Variants in KIF13A observed in about 807,000 individuals in gnomAD.
KIF13A encodes the protein kinesin family member 13A.
A neutral mutation model predicts 212.2 loss-of-function variants in KIF13A; 79 were observed. The ratio of observed to expected loss-of-function variants is 0.37; its 90% CI spans 0.31 to 0.45. The LOEUF (loss-of-function observed/expected upper bound fraction) is 0.45, where lower values mean the gene tolerates loss of function less well. Ranked by LOEUF, KIF13A falls within the 20% of genes least tolerant of loss-of-function variation. The pLI is 1.00. For synonymous variants in KIF13A, 789 were observed against 808.6 expected, an observed-to-expected ratio of 0.98 and a Z score of 0.41; for missense variants, 1,901 against 2,209.0, an observed-to-expected ratio of 0.86 and a Z score of 2.79.
chr6:17,900,223 T>G lies in KIF13A; in HGVS notation c.147-2043A>C, dbSNP rs900405561. On this transcript the variant is annotated intron_variant, in intron 2 of 38. Transcript: ENST00000259711. This position sits in a 1 kb window ranked among gnomAD's most constrained non-coding sequence, Gnocchi z 4.6. Reference sequence around the variant, plus strand: ...CAGTGAGCTCTCTGGAGTTCTCTTATGTGCCCTTTATGCCACAGCCACAGC... The same window carrying G: ...CAGTGAGCTCTCTGGAGTTCTCTTAGGTGCCCTTTATGCCACAGCCACAGC... 6.6e-6 allele frequency among the ~76,000 whole-genome samples: 1 copy of G among 152,230 alleles called. No individual in the cohort carries two copies. Among genetic ancestry groups the G allele is most frequent in the East Asian group, 1.9e-4 (1 of 5,188 alleles).
rs1011777088 is a variant in KIF13A at position 17,888,470 on chromosome 6, T to C, written c.159+9698A>G. 6.6e-6 allele frequency among the ~76,000 whole-genome samples: 1 copy of C among 152,172 alleles called. No individual in the cohort carries two copies. Among genetic ancestry groups the C allele is most frequent in the African/African-American group, 2.4e-5 (1 of 41,446 alleles). ...ATGGGTTTGATCTGAAACAGAGCTG[T>C]CCCATAGAAATATAATGCTAGCCAT... On this transcript the variant is annotated intron_variant, in intron 3 of 38. Coordinates refer to ENST00000259711, the MANE Select transcript of KIF13A (RefSeq NM_022113.6). This position sits in a 1 kb window ranked among gnomAD's most constrained non-coding sequence, Gnocchi z 4.8.
At chr6:17,980,496 G>A (rs1205645784) in intron 2 of KIF13A, among the ~76,000 whole-genome samples, 1 of 152,122 alleles carries the variant, frequency 6.6e-6, no homozygotes, top group Non-Finnish European at 1.5e-5. Context: ...TCCAAGCCAA[G>A]AGGGCTACCA....
chr6:17,951,177 CAG>C lies in KIF13A; in HGVS notation c.146+35875_146+35876del. ...CTTTAATTTTTTATTTTTTTGAAGA[CAG>C]GGTCTGGCTCTGTCACCCAGGCTGG... On this transcript the variant is annotated intron_variant, in intron 2 of 38. Coordinates refer to ENST00000259711, the MANE Select transcript of KIF13A (RefSeq NM_022113.6). This position sits in a 1 kb window ranked among gnomAD's most constrained non-coding sequence, Gnocchi z 4.9. The C allele has an allele frequency of 8.1e-7, 1 of 1,234,488 alleles. No homozygotes were observed. Among genetic ancestry groups the C allele is most frequent in the Non-Finnish European group, 1.0e-6 (1 of 985,638 alleles). 76.5% of individuals were successfully genotyped at this position (1,234,488 alleles called of 1,614,324 possible).
chr6:17,986,794 C>T (rs1781597251), intron 2 of KIF13A, among the ~76,000 whole-genome samples: 1 of 152,246 alleles, frequency 6.6e-6, no homozygotes, highest in Admixed American at 6.5e-5. Context: ...CCTCTCCCTC[C>T]CGGGTGCCTC....
chr6:17,785,702 C>A lies in KIF13A; in HGVS notation c.3362-61G>T. The A allele has an allele frequency of 6.5e-7, 1 of 1,544,828 alleles. No homozygotes were observed. On this transcript the variant is annotated intron_variant, in intron 27 of 38. Coordinates refer to ENST00000259711, the MANE Select transcript of KIF13A (RefSeq NM_022113.6). The surrounding 1 kb of genome is among the most constrained non-coding windows in gnomAD (Gnocchi z 5.8). ...AGAGAAAGTATGACTTCTCAGTTTA[C>A]AAGGAATAGATTTCAGCCTGGGCAA...
rs1349769844 is a variant in KIF13A at position 17,835,192 on chromosome 6, C to T, written c.1156-1121G>A. On this transcript the variant is annotated intron_variant, in intron 11 of 38. Transcript: ENST00000259711. ...CAGAGAGACTCTGTCCACCCGCCCC[C>T]GCCAAAAAAAAAAAAAAAAAAAAAA... Among the ~76,000 whole-genome samples the T allele has an allele frequency of 1.1e-4, 9 of 79,894 alleles. No individual in the cohort carries two copies. The South Asian group carries it at 2.5e-3, about 22-fold the overall frequency. The allele number at this position is 79,894 out of a possible 152,430, so 52.4% of individuals were successfully genotyped here.
chr6:17,799,431 A>C lies in KIF13A; in HGVS notation c.2625T>G (p.Ile875Met). The C allele has an allele frequency of 6.4e-7, 1 of 1,552,572 alleles. No individual in the cohort carries two copies. Among genetic ancestry groups the C allele is most frequent in the South Asian group, 1.2e-5 (1 of 83,758 alleles). ...RVKKLTCRVKIKEATGLPLNL... is the reference protein window; with the variant it reads ...RVKKLTCRVKMKEATGLPLNL... ...TTAAGGGCAGCCCCGTTGCTTCTTT[A>C]ATTTTTACCTGAAGAGATAAACAAT... is the stretch of plus-strand genomic sequence containing the variant. Residue 875 changes from isoleucine to methionine, a missense_variant, in exon 22 of 39, where the codon ATT becomes ATG. Physicochemically the swap from Ile to Met is conservative, Grantham distance 10. This residue lies in a region of KIF13A where 534 missense variants were observed against 536.9 expected (regional missense o/e 0.99). Coordinates refer to ENST00000259711, the MANE Select transcript of KIF13A (RefSeq NM_022113.6). This position sits in a 1 kb window ranked among gnomAD's most constrained non-coding sequence, Gnocchi z 4.4.
Position 17,926,656 on chromosome 6 carries a change from TAAG to T in KIF13A, c.147-28479_147-28477del, listed in dbSNP as rs10575893. Among the ~76,000 whole-genome samples the T allele has an allele frequency of 0.72, 109,132 of 151,732 alleles. 39,804 individuals are homozygous for T. Among genetic ancestry groups the T allele is most frequent in the South Asian group, 0.83 (4,024 of 4,820 alleles). On this transcript the variant is annotated intron_variant, in intron 2 of 38. Coordinates refer to ENST00000259711, the MANE Select transcript of KIF13A (RefSeq NM_022113.6). This position sits in a 1 kb window ranked among gnomAD's most constrained non-coding sequence, Gnocchi z 4.3. ...ACTCACTGGAAAAGCATCGGACTAA[TAAG>T]AAGGAGACTGAAATTTTCTTTGACG...
At chr6:17,893,984 C>A (rs999362984) in intron 3 of KIF13A, among the ~76,000 whole-genome samples, 3 of 151,554 alleles carry the variant, frequency 2.0e-5, no homozygotes, top group African/African-American at 7.3e-5. Flanking sequence ...GGACTACAGG[C>A]GTGTGCCACC....
intron 2 of KIF13A, among the ~76,000 whole-genome samples, chr6:17,969,385 T>C (rs1343462389): frequency 6.6e-6 from 1 of 152,192 alleles, no homozygotes; most frequent in East Asian, 1.9e-4. Context: ...TCACTAAATG[T>C]TTGTTGTACT....
At position 17,787,279 on chromosome 6, in the gene KIF13A, T is replaced by TA. The variant is rs767046738; in HGVS notation, c.3361+496dup. 2.3e-4 allele frequency among the ~76,000 whole-genome samples: 35 copies of TA among 152,230 alleles called. No individual in the cohort carries two copies. Among genetic ancestry groups the TA allele is most frequent in the Non-Finnish European group, 2.9e-4 (20 of 68,042 alleles). On this transcript the variant is annotated intron_variant, in intron 27 of 38. Coordinates refer to ENST00000259711, the MANE Select transcript of KIF13A (RefSeq NM_022113.6). This position sits in a 1 kb window ranked among gnomAD's most constrained non-coding sequence, Gnocchi z 4.6. The stretch of plus-strand genomic sequence containing the variant: ...GATAATTCTGAGTTTTATGAAAACT[T>TA]ACTACTTTCAAATTTGGAGGCCTCT...
At chr6:17,821,588 T>TGTGTG (rs11270201) in intron 16 of KIF13A, among the ~76,000 whole-genome samples, 27 of 146,216 alleles carry the variant, frequency 1.8e-4, no homozygotes, top group South Asian at 4.4e-4. Context: ...TGTGTGTGTG[T>TGTGTG]TGGGGGTGGG....
At position 17,855,398 on chromosome 6, in the gene KIF13A, TCC is replaced by T; in HGVS notation, c.494+37_494+38del. On this transcript the variant is annotated intron_variant, in intron 6 of 38. Coordinates refer to ENST00000259711, the MANE Select transcript of KIF13A (RefSeq NM_022113.6). The surrounding 1 kb of genome is among the most constrained non-coding windows in gnomAD (Gnocchi z 4.1). ...AACTTTAGAATCATTTAAAATTATC[TCC>T]CCCTATTAACACACTTAATCTTGAC... 7.0e-7 allele frequency: 1 copy of T among 1,426,630 alleles called. No individual in the cohort carries two copies. Among genetic ancestry groups the T allele is most frequent in the Non-Finnish European group, 9.6e-7 (1 of 1,041,342 alleles). The allele number at this position is 1,426,630 out of a possible 1,614,324, so 88.4% of individuals were successfully genotyped here. A position where few individuals can be genotyped will look rare whatever the true frequency, so the allele number is the denominator to read the frequency against.
chr6:17,977,854 T>A (rs1157385775), intron 2 of KIF13A, among the ~76,000 whole-genome samples: 1 of 152,218 alleles, frequency 6.6e-6, no homozygotes. Flanking sequence ...CCTCCCAGAA[T>A]AACTGATTTG....
intron 3 of KIF13A, among the ~76,000 whole-genome samples, chr6:17,882,762 A>C (rs1024696855): frequency 6.6e-6 from 1 of 152,066 alleles, no homozygotes; most frequent in African/African-American, 2.4e-5. Context: ...GAGTTTCACC[A>C]TGCTGGCCAT....
Position 17,849,500 on chromosome 6 carries a change from G to T in KIF13A, c.718-11C>A. 1 of 1,597,366 alleles carries T rather than the reference G, an allele frequency of 6.3e-7. No homozygotes were observed. The highest frequency in any genetic ancestry group is 8.6e-7 in the Non-Finnish European group (1 of 1,166,366). Reference sequence around the variant, plus strand: ...TTTCTCCCCGGAATTCTAGTTATAGGAAACGAGAGAGAGAAGAAAAACTTA... The same window carrying T: ...TTTCTCCCCGGAATTCTAGTTATAGTAAACGAGAGAGAGAAGAAAAACTTA... On this transcript the variant is annotated splice_polypyrimidine_tract_variant and intron_variant, in intron 8 of 38. Transcript: ENST00000259711. The surrounding 1 kb of genome is among the most constrained non-coding windows in gnomAD (Gnocchi z 5.7).
intron 38 of KIF13A, chr6:17,770,641 T>C (rs1485701257): frequency 2.3e-5 from 4 of 174,676 alleles, no homozygotes; most frequent in African/African-American, 4.8e-5. Context: ...TGATAGATTG[T>C]AGTGCAGCTC....
intron 2 of KIF13A, among the ~76,000 whole-genome samples, chr6:17,932,750 C>T (rs1776110088): frequency 6.6e-6 from 1 of 151,054 alleles, no homozygotes; most frequent in African/African-American, 2.4e-5. Flanking sequence ...GAGGCCTTGA[C>T]TCAGATAGCA....
chr6:17,948,240 G>A (rs1351686482), intron 2 of KIF13A, among the ~76,000 whole-genome samples: 1 of 152,210 alleles, frequency 6.6e-6, no homozygotes, highest in African/African-American at 2.4e-5. Flanking sequence ...TTGACTTGAA[G>A]AGATTCATTA....
Sources: allele counts gnomAD v4.1 joint callset (sites outside exome capture counted in the v4.1 genomes callset), GRCh38; gene constraint gnomAD v4.1.1; regional missense constraint gnomAD v4.1.1; non-coding constraint Gnocchi (gnomAD v3.1); transcripts MANE v1.5; gene names NCBI Gene and HGNC (gene_info 2026-07-23, HGNC 2026-07-21).